Variants in NSRP1 observed in about 807,000 individuals in gnomAD.
The protein encoded by NSRP1 is nuclear speckle splicing regulatory protein 1.
NSRP1 carries 24 observed loss-of-function variants against 54.7 expected under a neutral mutation model. The ratio of observed to expected loss-of-function variants is 0.44; its 90% CI spans 0.32 to 0.62. The LOEUF (loss-of-function observed/expected upper bound fraction) is 0.62. Ranked by LOEUF, NSRP1 falls within the 20% of genes least tolerant of loss-of-function variation. The pLI, the probability that NSRP1 is intolerant of heterozygous loss-of-function variation, is 0.06. For missense variants in NSRP1, 596 were observed against 651.2 expected, an observed-to-expected ratio of 0.92 and a Z score of 0.92; for synonymous variants, 210 against 213.8, an observed-to-expected ratio of 0.98 and a Z score of 0.15.
intron 2 of NSRP1, among the ~76,000 whole-genome samples, chr17:30,160,570 G>A (rs997258704): frequency 3.3e-5 from 5 of 152,138 alleles, no homozygotes; most frequent in African/African-American, 1.2e-4. Flanking sequence ...AGGTTTTCCA[G>A]TTTGTTGGTG....
intron 3 of NSRP1, among the ~76,000 whole-genome samples, chr17:30,175,000 G>A (rs1905079219): frequency 6.6e-6 from 1 of 152,100 alleles, no homozygotes; most frequent in Admixed American, 6.5e-5. Flanking sequence ...ACCAAGGTTT[G>A]GCGAGCCTTA....
chr17:30,133,345 C>T (rs1280646568), intron 2 of NSRP1, among the ~76,000 whole-genome samples: 1 of 152,018 alleles, frequency 6.6e-6, no homozygotes, highest in African/African-American at 2.4e-5. Context: ...GGCCTGAAAA[C>T]AACATTCATC....
intron 2 of NSRP1, among the ~76,000 whole-genome samples, chr17:30,137,925 T>C (rs2071764424): frequency 6.6e-6 from 1 of 152,208 alleles, no homozygotes; most frequent in African/African-American, 2.4e-5. Context: ...GCATTTACAC[T>C]GTTGTTCAAC....
intron 2 of NSRP1, chr17:30,168,803 T>G (rs1212701201): frequency 6.6e-6 from 1 of 151,966 alleles, no homozygotes; most frequent in African/African-American, 2.4e-5. Context: ...TTTTTGTATT[T>G]GTTTAAACAG....
intron 2 of NSRP1, among the ~76,000 whole-genome samples, chr17:30,136,731 A>G (rs1418902212): frequency 2.6e-5 from 4 of 152,200 alleles, no homozygotes; most frequent in Non-Finnish European, 5.9e-5. Context: ...ACAGGCAGAA[A>G]GTTTAAATAA....
intron 2 of NSRP1, among the ~76,000 whole-genome samples, chr17:30,138,436 A>G (rs1258338929): frequency 6.6e-6 from 1 of 152,134 alleles, no homozygotes; most frequent in Non-Finnish European, 1.5e-5. Context: ...ATGGCATAGT[A>G]TTTGCACATA....
chr17:30,142,410 C>T (rs571250457), intron 2 of NSRP1, among the ~76,000 whole-genome samples: 1 of 151,500 alleles, frequency 6.6e-6, no homozygotes, highest in South Asian at 2.1e-4. Flanking sequence ...ACTGCAGCCT[C>T]GAACTCCTGG....
intron 2 of NSRP1, among the ~76,000 whole-genome samples, chr17:30,134,490 A>G (rs184073419): frequency 1.8e-4 from 27 of 152,360 alleles, no homozygotes; most frequent in Middle Eastern, 3.4e-3. Flanking sequence ...TGGTACGGTC[A>G]TTGTAATTTT....
intron 2 of NSRP1, among the ~76,000 whole-genome samples, chr17:30,155,769 A>G (rs1244580851): frequency 6.6e-6 from 1 of 151,936 alleles, no homozygotes; most frequent in Non-Finnish European, 1.5e-5. Context: ...CTAGCCTAAT[A>G]TTCTAACTTA....
chr17:30,185,400 A>G lies in NSRP1; in HGVS notation c.1403A>G (p.Asp468Gly). Residue 468 changes from aspartate (D) to glycine (G), a missense_variant, in exon 7 of 7, where the codon GAC becomes GGC. Coordinates refer to ENST00000247026, the MANE Select transcript of NSRP1 (RefSeq NM_032141.4). Reference protein sequence around the residue: ...PNSRAKDKFLDQERSNKMRNM... With the variant: ...PNSRAKDKFLGQERSNKMRNM... Reference sequence around the variant, plus strand: ...TCTAGGGCAAAGGATAAATTTCTTGACCAAGAAAGATCCAACAAAATGAGA... The same window carrying G: ...TCTAGGGCAAAGGATAAATTTCTTGGCCAAGAAAGATCCAACAAAATGAGA... The G allele has an allele frequency of 1.9e-6, 3 of 1,611,576 alleles. No individual in the cohort carries two copies. The highest frequency in any genetic ancestry group is 1.7e-4 in the Middle Eastern group (1 of 6,046).
At chr17:30,145,372 C>G (rs1456259402) in intron 2 of NSRP1, among the ~76,000 whole-genome samples, 1 of 152,174 alleles carries the variant, frequency 6.6e-6, no homozygotes, top group East Asian at 1.9e-4. Context: ...ATCACGAGGT[C>G]AAGAGGTTGA....
At chr17:30,130,612 T>G (rs2071691118) in intron 2 of NSRP1, among the ~76,000 whole-genome samples, 1 of 152,190 alleles carries the variant, frequency 6.6e-6, no homozygotes, top group Non-Finnish European at 1.5e-5. Context: ...ATTAGTGATT[T>G]TTTCTGGTAC....
intron 2 of NSRP1, among the ~76,000 whole-genome samples, chr17:30,130,553 T>C (rs2071690523): frequency 6.6e-6 from 1 of 152,208 alleles, no homozygotes; most frequent in Non-Finnish European, 1.5e-5. Context: ...ATCTACTTGA[T>C]TGGGTGTAAT....
chr17:30,184,783 A>G lies in NSRP1; in HGVS notation c.786A>G (p.Glu262=), dbSNP rs1452735928. ...AKSSADDEIE[E]TRVNCRREKV... is the part of the protein sequence containing the mutation. ...GCAGTGCGGATGATGAAATAGAAGA[A>G]ACTAGAGTGAACTGCAGAAGGGAAA... Residue 262 remains glutamate, a synonymous_variant, in exon 7 of 7, where the codon GAA becomes GAG. Transcript: ENST00000247026. 6.2e-7 allele frequency: 1 copy of G among 1,613,992 alleles called. No individual in the cohort carries two copies. The highest frequency in any genetic ancestry group is 1.7e-5 in the Admixed American group (1 of 59,962).
intron 2 of NSRP1, among the ~76,000 whole-genome samples, chr17:30,138,925 T>TTTTG (rs2071776597): frequency 7.2e-6 from 1 of 139,286 alleles, no homozygotes; most frequent in Non-Finnish European, 1.6e-5. Context: ...TTTTTTTTTT[T>TTTTG]TTTTTTTTTT....
chr17:30,130,151 A>C (rs2071686619), intron 2 of NSRP1, among the ~76,000 whole-genome samples: 2 of 152,192 alleles, frequency 1.3e-5, no homozygotes. Flanking sequence ...GCTAGAGTGC[A>C]GTGGCTCTGT....
intron 2 of NSRP1, among the ~76,000 whole-genome samples, chr17:30,146,368 T>C (rs1479012970): frequency 6.6e-6 from 1 of 152,196 alleles, no homozygotes; most frequent in Non-Finnish European, 1.5e-5. Flanking sequence ...TACATGTAAG[T>C]GTGGTATAGT....
In NSRP1 at chr17:30,185,498, A is replaced by C. The variant is rs761596208; in HGVS notation, c.1501A>C (p.Arg501=). The C allele has an allele frequency of 1.2e-5, 20 of 1,613,748 alleles. No homozygotes were observed. The highest frequency in any genetic ancestry group is 4.5e-5 in the East Asian group (2 of 44,898). The part of the protein sequence containing the change: ...NSESSLGAKH[R]LTEEGQEKGK... Reference sequence around the variant, plus strand: ...TGAATCATCACTGGGAGCAAAACACAGACTCACAGAGGAAGGGCAAGAGAA... The same window carrying C: ...TGAATCATCACTGGGAGCAAAACACCGACTCACAGAGGAAGGGCAAGAGAA... Residue 501 remains arginine (R), a synonymous_variant, in exon 7 of 7, where the codon AGA becomes CGA. Coordinates refer to ENST00000247026, the MANE Select transcript of NSRP1 (RefSeq NM_032141.4).
chr17:30,158,653 G>T (rs77504956), intron 2 of NSRP1, among the ~76,000 whole-genome samples: 1 of 60,984 alleles, frequency 1.6e-5, no homozygotes, highest in Non-Finnish European at 4.9e-5. Context: ...GTGAGAGACA[G>T]GGGTTTAGTT....
Sources: allele counts gnomAD v4.1 joint callset (sites outside exome capture counted in the v4.1 genomes callset), GRCh38; gene constraint gnomAD v4.1.1; transcripts MANE v1.5; gene names NCBI Gene and HGNC (gene_info 2026-07-23, HGNC 2026-07-21).